MIS18A: variants seen among roughly 807,000 people sequenced by gnomAD.
The protein encoded by MIS18A is MIS18 kinetochore protein A.
In MIS18A, 14 loss-of-function variants were observed where a neutral mutation model predicts 25.0. The observed-to-expected ratio is 0.56, with a 90% CI of 0.37 to 0.88. The LOEUF is 0.88. MIS18A is among the 40% of genes least tolerant of loss of function. MIS18A has a pLI of 0.00. For synonymous variants in MIS18A, 134 were observed against 118.6 expected (o/e 1.13, Z -0.84); for missense variants, 292 against 290.8 (o/e 1.00, Z -0.03).
chr21:32,179,372 T>C, the MIS18A span, among the ~76,000 whole-genome samples: 1 of 152,176 alleles, frequency 6.6e-6, no homozygotes, highest in Non-Finnish European at 1.5e-5. Flanking sequence ...AGGTGAATGG[T>C]CTCTGATTCA....
chr21:32,192,272 G>A, the MIS18A span, among the ~76,000 whole-genome samples: 1 of 152,138 alleles, frequency 6.6e-6, no homozygotes, highest in South Asian at 2.1e-4. Flanking sequence ...CCATCACAGG[G>A]ACCCTCACAC....
the MIS18A span, among the ~76,000 whole-genome samples, chr21:32,165,833 T>C: frequency 6.6e-6 from 1 of 151,862 alleles, no homozygotes; most frequent in Non-Finnish European, 1.5e-5. Context: ...CACTGGGCCC[T>C]TGTTGGGATT....
At chr21:32,199,395 G>T in the MIS18A span, among the ~76,000 whole-genome samples, 1 of 151,136 alleles carries the variant, frequency 6.6e-6, no homozygotes, top group Non-Finnish European at 1.5e-5. Flanking sequence ...TTACACTTGG[G>T]TTGAAAAAAA....
chr21:32,229,728 C>T, the MIS18A span, among the ~76,000 whole-genome samples: 2 of 152,210 alleles, frequency 1.3e-5, no homozygotes, highest in African/African-American at 2.4e-5. Flanking sequence ...TGCTTTTGAA[C>T]TTCACCTTTG....
Position 32,268,792 on chromosome 21 carries a change from TG to T in MIS18A, c.*244del. 3.0e-6 allele frequency: 1 copy of T among 328,100 alleles called. No homozygotes were observed. Among genetic ancestry groups the T allele is most frequent in the Non-Finnish European group, 5.5e-6 (1 of 180,230 alleles). 20.3% of individuals were successfully genotyped at this position (328,100 alleles called of 1,614,324 possible). A position where few individuals can be genotyped will look rare whatever the true frequency, so the allele number is the denominator to read the frequency against. On this transcript the variant is annotated 3_prime_UTR_variant, in exon 5 of 5. Coordinates refer to ENST00000290130, the MANE Select transcript of MIS18A (RefSeq NM_018944.3). ...AGCTATAGAAGTAATTCTACAATTT[TG>T]GGTTTTTTTTTTGAGAGAAGGTCTC...
intron 4 of MIS18A, 156 bp downstream of exon 4, chr21:32,269,551 C>A: frequency 1.8e-6 from 1 of 550,008 alleles, no homozygotes; most frequent in Non-Finnish European, 3.2e-6. Context: ...CTTTTGAGTT[C>A]CCCAAAAATC....
downstream of MIS18A, among the ~76,000 whole-genome samples, chr21:32,265,282 G>C (rs1297543931): frequency 6.6e-6 from 1 of 152,198 alleles, no homozygotes; most frequent in Admixed American, 6.5e-5. Context: ...CCCTTTCTGG[G>C]CTGGCCAAGG....
chr21:32,273,458 G>A (rs2123467753), intron 2 of MIS18A, among the ~76,000 whole-genome samples: 2 of 151,632 alleles, frequency 1.3e-5, no homozygotes, highest in African/African-American at 2.4e-5. Context: ...ACCTCATTAG[G>A]ATTAAAAACG....
chr21:32,246,095 G>A, the MIS18A span, among the ~76,000 whole-genome samples: 3 of 152,186 alleles, frequency 2.0e-5, no homozygotes, highest in Admixed American at 6.5e-5. Flanking sequence ...TCTCACAAAC[G>A]GACTCGCTCT....
the MIS18A span, among the ~76,000 whole-genome samples, chr21:32,203,802 A>G: frequency 6.6e-6 from 1 of 151,652 alleles, no homozygotes; most frequent in East Asian, 1.9e-4. Context: ...ATTTTTTTGT[A>G]GAGACAAGGT....
downstream of MIS18A, among the ~76,000 whole-genome samples, chr21:32,263,930 G>T (rs1450613674): frequency 2.6e-5 from 4 of 150,974 alleles, no homozygotes; most frequent in African/African-American, 9.8e-5. Flanking sequence ...TTTCATAATT[G>T]GCTCTCCCCT....
the MIS18A span, among the ~76,000 whole-genome samples, chr21:32,253,952 T>C: frequency 4.6e-5 from 7 of 152,352 alleles, no homozygotes; most frequent in African/African-American, 1.4e-4. Context: ...TAGAAGTAAA[T>C]TGCTGGCTGG....
chr21:32,271,459 A>G (rs1442622125), intron 2 of MIS18A, among the ~76,000 whole-genome samples: 1 of 152,262 alleles, frequency 6.6e-6, no homozygotes, highest in Non-Finnish European at 1.5e-5. Flanking sequence ...ACTTACAGAT[A>G]CTGAGACACT....
At chr21:32,216,951 A>C in the MIS18A span, among the ~76,000 whole-genome samples, 1 of 152,358 alleles carries the variant, frequency 6.6e-6, no homozygotes, top group East Asian at 1.9e-4. Context: ...AGTTCAGAAA[A>C]ATCACTGAAC....
At chr21:32,252,589 T>C in the MIS18A span, among the ~76,000 whole-genome samples, 1 of 152,218 alleles carries the variant, frequency 6.6e-6, no homozygotes, top group Non-Finnish European at 1.5e-5. Flanking sequence ...AGAATGAGTG[T>C]ACTCTCATCC....
At chr21:32,210,584 T>C in the MIS18A span, among the ~76,000 whole-genome samples, 1 of 152,164 alleles carries the variant, frequency 6.6e-6, no homozygotes, top group African/African-American at 2.4e-5. Context: ...ATATTGAACA[T>C]TGACTTTATG....
At chr21:32,233,276 G>A in the MIS18A span, among the ~76,000 whole-genome samples, 9 of 152,194 alleles carry the variant, frequency 5.9e-5, no homozygotes, top group Admixed American at 5.9e-4. Context: ...TTTCTCAGCA[G>A]CAGTTGTTTT....
chr21:32,238,045 TATATA>T, the MIS18A span, among the ~76,000 whole-genome samples: 1 of 152,174 alleles, frequency 6.6e-6, no homozygotes, highest in Non-Finnish European at 1.5e-5. Context: ...GTACCATATC[TATATA>T]ATATGTCAAC....
chr21:32,155,796 G>A, the MIS18A span, among the ~76,000 whole-genome samples: 1 of 152,040 alleles, frequency 6.6e-6, no homozygotes, highest in South Asian at 2.1e-4. Flanking sequence ...GCTAGTTTTA[G>A]GCTTATTATG....
Sources: allele counts gnomAD v4.1 joint callset (sites outside exome capture counted in the v4.1 genomes callset), GRCh38; gene constraint gnomAD v4.1.1; transcripts MANE v1.5; gene names NCBI Gene and HGNC (gene_info 2026-07-23, HGNC 2026-07-21).